ZNF385D: variants seen among roughly 807,000 people sequenced by gnomAD.
The protein encoded by ZNF385D is zinc finger protein 659.
A neutral mutation model predicts 35.8 loss-of-function variants in ZNF385D; 15 were observed. The observed-to-expected ratio is 0.42, with a 90% confidence interval of 0.28 to 0.64. ZNF385D has a LOEUF of 0.64. Ranked by LOEUF, ZNF385D falls within the 30% of genes least tolerant of loss-of-function variation. The pLI is 0.23. For synonymous variants in ZNF385D, 212 were observed against 186.8 expected (o/e 1.13, Z -1.10); for missense variants, 474 against 494.6 (o/e 0.96, Z 0.39).
chr3:22,215,713 A>T (rs1023909926), intron 2 of ZNF385D, among the ~76,000 whole-genome samples: 20 of 151,800 alleles, frequency 1.3e-4, no homozygotes, highest in African/African-American at 4.8e-4. Flanking sequence ...ATATTCTATT[A>T]CCTTGTGAAG....
intron 2 of ZNF385D, among the ~76,000 whole-genome samples, chr3:22,342,679 T>C (rs1368472897): frequency 1.3e-5 from 2 of 152,214 alleles, no homozygotes; most frequent in African/African-American, 2.4e-5. Context: ...GCTGAACTAC[T>C]GATTGTTACG....
chr3:22,249,401 A>G (rs368389258), intron 2 of ZNF385D, among the ~76,000 whole-genome samples: 6 of 152,204 alleles, frequency 3.9e-5, no homozygotes, highest in East Asian at 1.9e-4. Context: ...AAGAAATGTC[A>G]TAATACTCAA....
chr3:22,358,550 C>T (rs1285778979), intron 2 of ZNF385D, among the ~76,000 whole-genome samples: 5 of 151,426 alleles, frequency 3.3e-5, no homozygotes, highest in Non-Finnish European at 5.9e-5. Context: ...TTAGGCAGCA[C>T]CAGGAGGAAG....
At chr3:22,161,038 A>C (rs1269236712) in intron 3 of ZNF385D, among the ~76,000 whole-genome samples, 1 of 152,100 alleles carries the variant, frequency 6.6e-6, no homozygotes, top group Non-Finnish European at 1.5e-5. Context: ...TCTTAGACAA[A>C]ATCCCTTATG....
At chr3:22,168,585 A>G (rs982920889) in intron 3 of ZNF385D, 4 of 157,984 alleles carry the variant, frequency 2.5e-5, no homozygotes, top group Non-Finnish European at 5.5e-5. Flanking sequence ...TAACAACTCA[A>G]AAATAGTAAA....
intron 2 of ZNF385D, among the ~76,000 whole-genome samples, chr3:22,314,133 T>C (rs1703750568): frequency 6.6e-6 from 1 of 152,160 alleles, no homozygotes; most frequent in Non-Finnish European, 1.5e-5. Context: ...AATTTTTTAT[T>C]TCCATAGGTT....
In ZNF385D at chr3:22,266,587, G is replaced by A. The variant is rs886814637; in HGVS notation, c.107-97552C>T. ...TTAGAAAGGAGACAGGCCAATGTAA[G>A]AGCCCTAGTCTTAGGGAACTTTGCC... On this transcript the variant is annotated intron_variant, in intron 2 of 5. Coordinates refer to the ZNF385D transcript ENST00000494108. 5.9e-5 allele frequency among the ~76,000 whole-genome samples: 9 copies of A among 151,996 alleles called. 1 individual carries two copies. In the South Asian group the frequency reaches 1.9e-3, roughly 32 times the overall value.
At chr3:22,072,138 T>A (rs1040952112) in intron 3 of ZNF385D, among the ~76,000 whole-genome samples, 1 of 152,042 alleles carries the variant, frequency 6.6e-6, no homozygotes, top group African/African-American at 2.4e-5. Flanking sequence ...CATGAGATTA[T>A]AAATTAGACA....
chr3:21,648,071 T>C (rs181670575), intron 2 of ZNF385D, among the ~76,000 whole-genome samples: 1 of 152,304 alleles, frequency 6.6e-6, no homozygotes, highest in African/African-American at 2.4e-5. Flanking sequence ...CCAGAAAGGC[T>C]TGGGCTAATA....
At chr3:22,195,105 A>G (rs1031019144) in intron 2 of ZNF385D, among the ~76,000 whole-genome samples, 2 of 151,862 alleles carry the variant, frequency 1.3e-5, no homozygotes, top group Non-Finnish European at 2.9e-5. Flanking sequence ...GAGAGTTCCA[A>G]TTGCTCCCCA....
At chr3:21,584,569 TCAAG>T (rs199954170) in intron 2 of ZNF385D, among the ~76,000 whole-genome samples, 6,107 of 149,706 alleles carry the variant, frequency 0.041, 220 homozygotes, top group East Asian at 0.17. Context: ...TTTTTTAGCT[TCAAG>T]CAAAGTAGCT....
intron 3 of ZNF385D, among the ~76,000 whole-genome samples, chr3:21,515,755 T>A (rs955984885): frequency 1.3e-5 from 2 of 152,164 alleles, no homozygotes; most frequent in Admixed American, 6.5e-5. Flanking sequence ...ATCCCCACCT[T>A]GTTCAGGGCT....
At chr3:21,557,569 T>A (rs1446083989) in intron 3 of ZNF385D, among the ~76,000 whole-genome samples, 1 of 152,318 alleles carries the variant, frequency 6.6e-6, no homozygotes, top group East Asian at 1.9e-4. Context: ...GTTTCGCCAG[T>A]ATTTTATTGA....
At chr3:22,090,506 GA>G (rs1229297347) in intron 3 of ZNF385D, among the ~76,000 whole-genome samples, 1 of 147,752 alleles carries the variant, frequency 6.8e-6, no homozygotes, top group African/African-American at 2.5e-5. Flanking sequence ...CTCTTACAGA[GA>G]AAAAAAAAAT....
In ZNF385D at chr3:21,970,315, T is replaced by A. The variant is rs1322407744; in HGVS notation, c.325+198502A>T. ...TGAGGAAACTCAAAGAAATTTAAGATAATTCAGAGAAGGAATTCAGAATCC... is the reference window on the plus strand; with the variant it reads ...TGAGGAAACTCAAAGAAATTTAAGAAAATTCAGAGAAGGAATTCAGAATCC... On this transcript the variant is annotated intron_variant, in intron 3 of 5. Transcript: ENST00000494108. 3.3e-5 allele frequency among the ~76,000 whole-genome samples: 5 copies of A among 152,090 alleles called. No individual in the cohort carries two copies. In the East Asian group the frequency reaches 9.7e-4, roughly 29 times the overall value.
At chr3:22,288,913 CTG>C (rs1323691954) in intron 2 of ZNF385D, among the ~76,000 whole-genome samples, 2 of 152,110 alleles carry the variant, frequency 1.3e-5, no homozygotes, top group African/African-American at 2.4e-5. Context: ...TCTCAAATCT[CTG>C]TGTTTGTCCA....
chr3:22,340,018 C>A (rs982556863), intron 2 of ZNF385D, among the ~76,000 whole-genome samples: 2 of 152,076 alleles, frequency 1.3e-5, no homozygotes, highest in Non-Finnish European at 2.9e-5. Flanking sequence ...ATACTTATTC[C>A]CCTCTTTGCT....
At chr3:22,079,226 T>A (rs1700617206) in intron 3 of ZNF385D, among the ~76,000 whole-genome samples, 1 of 151,994 alleles carries the variant, frequency 6.6e-6, no homozygotes, top group Non-Finnish European at 1.5e-5. Flanking sequence ...TAAAATGCAA[T>A]TAGCTGATAA....
chr3:21,777,180 T>C (rs913961189), intron 3 of ZNF385D, among the ~76,000 whole-genome samples: 8 of 152,006 alleles, frequency 5.3e-5, no homozygotes, highest in African/African-American at 1.4e-4. Flanking sequence ...CTGTATGCAA[T>C]TGCAAAGTTC....
Sources: allele counts gnomAD v4.1 joint callset (sites outside exome capture counted in the v4.1 genomes callset), GRCh38; gene constraint gnomAD v4.1.1; transcripts MANE v1.5; gene names NCBI Gene and HGNC (gene_info 2026-07-23, HGNC 2026-07-21).